Variants in KCNQ1 observed in about 807,000 individuals in gnomAD.
KCNQ1 encodes potassium voltage-gated channel subfamily KQT member 1.
A neutral mutation model predicts 72.4 loss-of-function variants in KCNQ1; 49 were observed. That is an observed-to-expected ratio of 0.68 (90% CI 0.54 to 0.86). KCNQ1 has a LOEUF of 0.86. KCNQ1 is among the 40% of genes least tolerant of loss of function. The pLI is 0.00. For synonymous variants in KCNQ1, 450 were observed against 412.6 expected (o/e 1.09, Z -1.10); for missense variants, 790 against 945.1 (o/e 0.84, Z 2.15).
In KCNQ1 at chr11:2,628,250, A is replaced by G. The variant is rs1849292039; in HGVS notation, c.1394-33711A>G. The stretch of plus-strand genomic sequence containing the variant: ...ATGACTGTATCAATTTACATTCCTA[A>G]CAAAAATGTATAAGGGACACCTTTT... On this transcript the variant is annotated intron_variant, in intron 10 of 15. Transcript: ENST00000155840. 1.5e-5 allele frequency: 6 copies of G among 398,584 alleles called. 1 individual carries two copies. The Admixed American group carries it at 1.8e-4, about 12-fold the overall frequency. The allele number at this position is 398,584 out of a possible 1,614,324, so 24.7% of individuals were successfully genotyped here.
At chr11:2,577,969 C>T (rs1037957245) in intron 6 of KCNQ1, among the ~76,000 whole-genome samples, 2 of 152,196 alleles carry the variant, frequency 1.3e-5, no homozygotes, top group African/African-American at 2.4e-5. Flanking sequence ...TAGTGTCACC[C>T]AGGTCAGTGG....
In KCNQ1 at chr11:2,603,893, G is replaced by A. The variant is rs1274526528; in HGVS notation, c.1393+15039G>A. Reference sequence around the variant, plus strand: ...TTTAGTAGTGACGGGGTTTCGCCATGTTAGCCAGGCTGGTCTCGAACTCCT... The same window carrying A: ...TTTAGTAGTGACGGGGTTTCGCCATATTAGCCAGGCTGGTCTCGAACTCCT... On this transcript the variant is annotated intron_variant, in intron 10 of 15. Transcript: ENST00000155840. This position sits in a 1 kb window ranked among gnomAD's most constrained non-coding sequence, Gnocchi z 4.1. Among the ~76,000 whole-genome samples, 2 of 152,040 alleles carry A rather than the reference G, an allele frequency of 1.3e-5. No individual in the cohort carries two copies. The highest frequency in any genetic ancestry group is 2.9e-5 in the Non-Finnish European group (2 of 68,002).
chr11:2,523,862 A>G (rs377232172), intron 1 of KCNQ1, among the ~76,000 whole-genome samples: 186 of 140,590 alleles, frequency 1.3e-3, no homozygotes, highest in Non-Finnish European at 1.9e-3. Flanking sequence ...TCAGGCCTCC[A>G]TTTGCTCATC....
At chr11:2,649,912 G>A (rs1466442177) in intron 10 of KCNQ1, 1 of 398,190 alleles carries the variant, frequency 2.5e-6, no homozygotes, top group African/African-American at 2.1e-5. Flanking sequence ...ACTTCTTCTG[G>A]AACTCCCAAA....
rs1040591672 is a variant in KCNQ1, at chr11:2,573,130, G to A, written c.921+144G>A. 4.8e-6 allele frequency: 5 copies of A among 1,033,324 alleles called. No individual in the cohort carries two copies. The African/African-American group carries it at 8.0e-5, about 17-fold the overall frequency. The allele number at this position is 1,033,324 out of a possible 1,614,324, so 64.0% of individuals were successfully genotyped here. A position where few individuals can be genotyped will look rare whatever the true frequency, so the allele number is the denominator to read the frequency against. Reference sequence around the variant, plus strand: ...CTCACAGGCCTCTGTCCACAAACCTGTGCTTGGAGCCGCTGGCACAGGTCC... The same window carrying A: ...CTCACAGGCCTCTGTCCACAAACCTATGCTTGGAGCCGCTGGCACAGGTCC... On this transcript the variant is annotated intron_variant, in intron 6 of 15. Coordinates refer to ENST00000155840, the MANE Select transcript of KCNQ1 (RefSeq NM_000218.3).
rs552025470 is a variant in KCNQ1 at position 2,482,931 on chromosome 11, G to A, written c.386+37447G>A. Among the ~76,000 whole-genome samples the A allele has an allele frequency of 6.8e-4, 103 of 152,256 alleles. 3 individuals are homozygous for A. The South Asian group carries it at 0.02, about 30-fold the overall frequency. On this transcript the variant is annotated intron_variant, in intron 1 of 15. Coordinates refer to ENST00000155840, the MANE Select transcript of KCNQ1 (RefSeq NM_000218.3). The surrounding 1 kb of genome is among the most constrained non-coding windows in gnomAD (Gnocchi z 5.7). ...AAGAGAATGGAGAGAGTCATGGACCGGCATGGCGTGGTAATGCATGGTGCG... is the reference window on the plus strand; with the variant it reads ...AAGAGAATGGAGAGAGTCATGGACCAGCATGGCGTGGTAATGCATGGTGCG...
Position 2,509,432 on chromosome 11 carries a change from G to A in KCNQ1, c.387-18496G>A, listed in dbSNP as rs1350072472. ...TTGCTCCAGTGAGTGGCCGTTGGCT[G>A]GGAGGCTGGGTCTGTGCTGTGTGGG... On this transcript the variant is annotated intron_variant, in intron 1 of 15. Transcript: ENST00000155840. This position sits in a 1 kb window ranked among gnomAD's most constrained non-coding sequence, Gnocchi z 6.3. 1.3e-5 allele frequency among the ~76,000 whole-genome samples: 2 copies of A among 152,136 alleles called. No individual in the cohort carries two copies. Among genetic ancestry groups the A allele is most frequent in the Admixed American group, 1.3e-4 (2 of 15,276 alleles).
chr11:2,760,246 C>T (rs1047042439), intron 11 of KCNQ1, among the ~76,000 whole-genome samples: 1 of 152,196 alleles, frequency 6.6e-6, no homozygotes, highest in Non-Finnish European at 1.5e-5. Context: ...GGGCTGTGTG[C>T]CCAGCGGCAC....
In KCNQ1 at chr11:2,659,957, TGATA is replaced by T. The variant is rs1849921868; in HGVS notation, c.1394-2003_1394-2000del. The T allele has an allele frequency of 7.5e-6, 3 of 398,346 alleles. No homozygotes were observed. The highest frequency in any genetic ancestry group is 1.3e-5 in the Non-Finnish European group (3 of 225,996). 24.7% of individuals were successfully genotyped at this position (398,346 alleles called of 1,614,324 possible). A position where few individuals can be genotyped will look rare whatever the true frequency, so the allele number is the denominator to read the frequency against. ...GAGTGCAAGTCCTTGACCTGATAGG[TGATA>T]TGCAAATATTCTTTCCAAGTCTGTG... On this transcript the variant is annotated intron_variant, in intron 10 of 15. Transcript: ENST00000155840. This position sits in a 1 kb window ranked among gnomAD's most constrained non-coding sequence, Gnocchi z 4.3.
intron 11 of KCNQ1, among the ~76,000 whole-genome samples, chr11:2,732,131 G>T (rs2283217): frequency 0.35 from 52,875 of 151,856 alleles, 9,639 homozygotes; most frequent in African/African-American, 0.42. Context: ...GGCCTCTGTC[G>T]ACTCCATTTG....
intron 15 of KCNQ1, among the ~76,000 whole-genome samples, chr11:2,804,447 G>A (rs1030411529): frequency 8.5e-5 from 13 of 152,170 alleles, no homozygotes; most frequent in Admixed American, 5.9e-4. Context: ...CTGTATTGAC[G>A]GTGCTGGGAG....
chr11:2,569,416 T>A (rs1232686502), intron 2 of KCNQ1, among the ~76,000 whole-genome samples: 2 of 152,236 alleles, frequency 1.3e-5, no homozygotes, highest in African/African-American at 2.4e-5. Flanking sequence ...GCGATGGCAG[T>A]GTCCAGCTGA....
intron 11 of KCNQ1, among the ~76,000 whole-genome samples, chr11:2,701,707 C>T (rs1850818732): frequency 6.6e-6 from 1 of 152,240 alleles, no homozygotes; most frequent in Non-Finnish European, 1.5e-5. Flanking sequence ...TATCAGCTGC[C>T]TGTCTGCCTG....
In KCNQ1 at chr11:2,678,262, C is replaced by A. The variant is rs1326084137; in HGVS notation, c.1514+16181C>A. 2 of 398,274 alleles carry A rather than the reference C, an allele frequency of 5.0e-6. No individual in the cohort carries two copies. Among genetic ancestry groups the A allele is most frequent in the Admixed American group, 4.4e-5 (1 of 22,712 alleles). 24.7% of individuals were successfully genotyped at this position (398,274 alleles called of 1,614,324 possible). ...CTTATCTTAAATTCTGAAATAACCT[C>A]TCATCCTGAAATTGTTTTAATAAAT... is the stretch of plus-strand genomic sequence containing the variant. On this transcript the variant is annotated intron_variant, in intron 11 of 15. Transcript: ENST00000155840. The surrounding 1 kb of genome is among the most constrained non-coding windows in gnomAD (Gnocchi z 4.9).
At chr11:2,743,968 G>A (rs562791054) in intron 11 of KCNQ1, among the ~76,000 whole-genome samples, 20 of 152,314 alleles carry the variant, frequency 1.3e-4, no homozygotes, top group African/African-American at 3.8e-4. Context: ...GCTCCTGCCC[G>A]TTCTGGCCTG....
At position 2,482,572 on chromosome 11, in the gene KCNQ1, G is replaced by A. The variant is rs1329204314; in HGVS notation, c.386+37088G>A. ...CATTTTTATGGCTCTGACACCTTTG[G>A]CCAAATCACCTTCCGGGAGTGTTTT... On this transcript the variant is annotated intron_variant, in intron 1 of 15. Transcript: ENST00000155840. The surrounding 1 kb of genome is among the most constrained non-coding windows in gnomAD (Gnocchi z 5.7). 6.6e-6 allele frequency among the ~76,000 whole-genome samples: 1 copy of A among 152,046 alleles called. No homozygotes were observed. Among genetic ancestry groups the A allele is most frequent in the East Asian group, 1.9e-4 (1 of 5,182 alleles).
rs553615624 is a variant in KCNQ1 at position 2,483,368 on chromosome 11, C to T, written c.386+37884C>T. On this transcript the variant is annotated intron_variant, in intron 1 of 15. Coordinates refer to ENST00000155840, the MANE Select transcript of KCNQ1 (RefSeq NM_000218.3). This position sits in a 1 kb window ranked among gnomAD's most constrained non-coding sequence, Gnocchi z 6.1. ...AAGTTCCACGACAGTACTGAGAGTT[C>T]CTGTGGACTCCTAGTATTAACATCT... Among the ~76,000 whole-genome samples the T allele has an allele frequency of 6.6e-6, 1 of 152,306 alleles. No individual in the cohort carries two copies. Among genetic ancestry groups the T allele is most frequent in the African/African-American group, 2.4e-5 (1 of 41,552 alleles).
rs1335562668 is a variant in KCNQ1 at position 2,772,504 on chromosome 11, C to T, written c.1591-3456C>T. On this transcript the variant is annotated intron_variant, in intron 12 of 15. Transcript: ENST00000155840. This position sits in a 1 kb window ranked among gnomAD's most constrained non-coding sequence, Gnocchi z 6.6. ...CCACTGGACAAAGGCCCCCGTGAGC[C>T]CTAACCGTATCCTAGCAGGCATCTC... Among the ~76,000 whole-genome samples the T allele has an allele frequency of 2.0e-5, 3 of 152,026 alleles. No individual in the cohort carries two copies. Among genetic ancestry groups the T allele is most frequent in the African/African-American group, 7.3e-5 (3 of 41,378 alleles).
At position 2,642,239 on chromosome 11, in the gene KCNQ1, C is replaced by T. The variant is rs1159882298; in HGVS notation, c.1394-19722C>T. On this transcript the variant is annotated intron_variant, in intron 10 of 15. Coordinates refer to ENST00000155840, the MANE Select transcript of KCNQ1 (RefSeq NM_000218.3). This position sits in a 1 kb window ranked among gnomAD's most constrained non-coding sequence, Gnocchi z 4.3. The stretch of plus-strand genomic sequence containing the variant: ...GGTCATTTTAATTTTGTTAATTCTC[C>T]CAATCCATGAGAATGGGATGTTTTT... 5 of 398,202 alleles carry T rather than the reference C, an allele frequency of 1.3e-5. No individual in the cohort carries two copies. The Admixed American group carries it at 1.8e-4, about 14-fold the overall frequency. The allele number at this position is 398,202 out of a possible 1,614,324, so 24.7% of individuals were successfully genotyped here.
Sources: allele counts gnomAD v4.1 joint callset (sites outside exome capture counted in the v4.1 genomes callset), GRCh38; gene constraint gnomAD v4.1.1; non-coding constraint Gnocchi (gnomAD v3.1); transcripts MANE v1.5; gene names NCBI Gene and HGNC (gene_info 2026-07-23, HGNC 2026-07-21).